HAUS7: variants seen among roughly 807,000 people sequenced by gnomAD.
HAUS7 encodes the protein HAUS augmin like complex subunit 7, also known as HAUS augmin-like complex subunit 7.
A neutral mutation model predicts 28.4 loss-of-function variants in HAUS7; 3 were observed. That is an observed-to-expected ratio of 0.11 (90% CI 0.05 to 0.27). The LOEUF is 0.27. Ranked by LOEUF, HAUS7 falls within the 10% of genes least tolerant of loss-of-function variation. The pLI is 1.00. For missense variants in HAUS7, 284 were observed against 297.3 expected, an observed-to-expected ratio of 0.96 and a Z score of 0.33; for synonymous variants, 165 against 132.1, an observed-to-expected ratio of 1.25 and a Z score of -1.71.
rs1556982496 is a variant in HAUS7 at position 153,457,244 on chromosome X, CACAG to C, written c.355-20_355-17del. The C allele has an allele frequency of 1.1e-5, 12 of 1,074,193 alleles. No individual in the cohort carries two copies. Among genetic ancestry groups the C allele is most frequent in the Middle Eastern group, 2.5e-4 (1 of 4,081 alleles). 88.5% of individuals were successfully genotyped at this position (1,074,193 alleles called of 1,213,427 possible). On this transcript the variant is annotated splice_polypyrimidine_tract_variant and intron_variant, in intron 4 of 9. Coordinates refer to ENST00000370211, the MANE Select transcript of HAUS7 (RefSeq NM_001385482.1). The stretch of plus-strand genomic sequence containing the variant: ...AGGCACAGCCCTGGGCAAGGAAGAC[CACAG>C]ACATTCACTGGCTCCATCTAAGCCA...
intron 1 of HAUS7, among the ~76,000 whole-genome samples, chrX:153,492,405 G>A (rs1556989802): frequency 3.6e-5 from 4 of 111,352 alleles, no homozygotes; most frequent in Admixed American, 1.9e-4. Flanking sequence ...GGGCCAGGCC[G>A]AGTGACTCAG....
chrX:153,481,390 C>T (rs897296581), intron 1 of HAUS7: 2 of 754,782 alleles, frequency 2.6e-6, no homozygotes, highest in African/African-American at 4.6e-5. Flanking sequence ...GCTGAGGATC[C>T]GGCGCCCACA....
In HAUS7 at chrX:153,456,382, G is replaced by T; in HGVS notation, c.606-18C>A. On this transcript the variant is annotated intron_variant, in intron 6 of 9. Coordinates refer to ENST00000370211, the MANE Select transcript of HAUS7 (RefSeq NM_001385482.1). Reference sequence around the variant, plus strand: ...CACTGGCCCTGCAGGGAGAGAAAGGGAACACTTGCAACTCACCGCTGCCAG... The same window carrying T: ...CACTGGCCCTGCAGGGAGAGAAAGGTAACACTTGCAACTCACCGCTGCCAG... 1 of 1,192,132 alleles carries T rather than the reference G, an allele frequency of 8.4e-7. No individual in the cohort carries two copies. The highest frequency in any genetic ancestry group is 1.1e-6 in the Non-Finnish European group (1 of 878,067).
At chrX:153,448,449 C>T (rs1235861020) in intron 9 of HAUS7, among the ~76,000 whole-genome samples, 1 of 106,969 alleles carries the variant, frequency 9.3e-6, no homozygotes. Context: ...ATGTAAATGA[C>T]GAGTTAATGG....
chrX:153,461,642 C>T (rs1556983385), intron 4 of HAUS7: 2 of 133,710 alleles, frequency 1.5e-5, no homozygotes, highest in East Asian at 1.9e-4. Flanking sequence ...AAAGACGCTC[C>T]GTATCACTGG....
intron 1 of HAUS7, among the ~76,000 whole-genome samples, chrX:153,491,000 C>T (rs982594778): frequency 8.9e-6 from 1 of 111,942 alleles, no homozygotes; most frequent in Non-Finnish European, 1.9e-5. Context: ...GTCCCATCCC[C>T]AAGACAGGCA....
intron 1 of HAUS7, chrX:153,481,804 G>A (rs966435434): frequency 7.2e-5 from 54 of 750,258 alleles, no homozygotes; most frequent in East Asian, 1.5e-4. Flanking sequence ...CCCCATGTGC[G>A]CACAGAGAAT....
At chrX:153,482,059 A>G (rs1434178191) in intron 1 of HAUS7, 4 of 268,083 alleles carry the variant, frequency 1.5e-5, no homozygotes, top group Non-Finnish European at 2.0e-5. Flanking sequence ...GAGGCACTGC[A>G]GAGAGCAGCC....
At chrX:153,485,776 G>A in intron 1 of HAUS7, 3 of 846,837 alleles carry the variant, frequency 3.5e-6, no homozygotes, top group Non-Finnish European at 4.4e-6. Flanking sequence ...ACAGGAAGCT[G>A]GAGACCCTTG....
chrX:153,454,801 T>C, intron 8 of HAUS7: 1 of 737,384 alleles, frequency 1.4e-6, no homozygotes, highest in Non-Finnish European at 2.0e-6. Context: ...CTGCGTGTCC[T>C]CCCAGCCCCA....
intron 9 of HAUS7, among the ~76,000 whole-genome samples, chrX:153,449,630 T>G (rs1381612287): frequency 8.9e-6 from 1 of 112,815 alleles, no homozygotes; most frequent in African/African-American, 3.2e-5. Context: ...GCTGCTCCTC[T>G]GAGGCCACAG....
intron 1 of HAUS7, among the ~76,000 whole-genome samples, chrX:153,489,345 C>T (rs1157466214): frequency 1.8e-5 from 2 of 112,441 alleles, no homozygotes; most frequent in Admixed American, 9.3e-5. Flanking sequence ...GCACGGGCCA[C>T]GCTCCGACAC....
chrX:153,492,169 C>T (rs1450216356), intron 1 of HAUS7, among the ~76,000 whole-genome samples: 3 of 113,525 alleles, frequency 2.6e-5, no homozygotes, highest in African/African-American at 6.4e-5. Context: ...CCCCCTGCCT[C>T]CTCCCAGCCC....
At chrX:153,493,856 C>T (rs1461860769) in intron 1 of HAUS7, among the ~76,000 whole-genome samples, 2 of 112,109 alleles carry the variant, frequency 1.8e-5, no homozygotes, top group Non-Finnish European at 3.8e-5. Context: ...AGACCCTCAG[C>T]CCTCGACGTT....
intron 1 of HAUS7, among the ~76,000 whole-genome samples, chrX:153,484,030 G>A (rs1313044474): frequency 1.8e-5 from 2 of 112,089 alleles, no homozygotes; most frequent in African/African-American, 6.5e-5. Context: ...AGTTGCAGAC[G>A]CCAGAAGTCT....
chrX:153,456,866 C>T (rs2089319853), intron 5 of HAUS7: 1 of 440,028 alleles, frequency 2.3e-6, no homozygotes, highest in African/African-American at 2.5e-5. Context: ...AGGTGCTCAC[C>T]CTCCTCTGTG....
chrX:153,451,472 G>A (rs1401535579), intron 9 of HAUS7, among the ~76,000 whole-genome samples: 1 of 112,036 alleles, frequency 8.9e-6, no homozygotes, highest in African/African-American at 3.2e-5. Flanking sequence ...GCTCCTCAGT[G>A]CCTGGTATAC....
intron 1 of HAUS7, chrX:153,495,062 C>T (rs1419059461): frequency 9.1e-6 from 1 of 110,229 alleles, no homozygotes; most frequent in Non-Finnish European, 1.9e-5. Flanking sequence ...GGACGGCCCA[C>T]CACCCCAGCC....
At chrX:153,448,200 A>C (rs1556980440) in intron 9 of HAUS7, among the ~76,000 whole-genome samples, 1 of 110,682 alleles carries the variant, frequency 9.0e-6, no homozygotes, top group Admixed American at 9.6e-5. Flanking sequence ...ACACCATGGA[A>C]TACTACGCGG....
Sources: allele counts gnomAD v4.1 joint callset (sites outside exome capture counted in the v4.1 genomes callset), GRCh38; gene constraint gnomAD v4.1.1; transcripts MANE v1.5; gene names NCBI Gene and HGNC (gene_info 2026-07-23, HGNC 2026-07-21).